Variants in S100A13 observed in about 807,000 individuals in gnomAD.
S100A13 encodes the protein protein S100-A13.
Under a neutral mutation model 8.2 loss-of-function variants are expected in S100A13, and 6 were observed. The observed-to-expected ratio is 0.73, with a 90% CI of 0.40 to 1.44. The LOEUF is 1.44. S100A13 is among the 40% of genes most tolerant of loss of function. The probability of loss-of-function intolerance (pLI) is 0.02; values close to 1 mark genes in which losing one functional copy is unlikely to be tolerated. For synonymous variants in S100A13, 39 were observed against 45.9 expected, an observed-to-expected ratio of 0.85 and a Z score of 0.61; for missense variants, 114 against 113.6, an observed-to-expected ratio of 1.00 and a Z score of -0.02.
At position 153,626,479 on chromosome 1, in the gene S100A13, CCT is replaced by C. The variant is rs765895178; in HGVS notation, c.-9_-8del. 2.0e-5 allele frequency: 32 copies of C among 1,613,834 alleles called. No homozygotes were observed. The highest frequency in any genetic ancestry group is 2.5e-5 in the Non-Finnish European group (30 of 1,179,896). Reference sequence around the variant, plus strand: ...TCAGTGGTTCTGCTGCCATTAGGACCCTGAGGCCAAAGCTGATGTCCTCAAGG... The same window carrying C: ...TCAGTGGTTCTGCTGCCATTAGGACCGAGGCCAAAGCTGATGTCCTCAAGG... On this transcript the variant is annotated 5_prime_UTR_variant, in exon 2 of 3. Coordinates refer to ENST00000476133, the MANE Select transcript of S100A13 (RefSeq NM_001024211.2).
chr1:153,629,579 TCTC>T (rs1287997501), upstream of S100A13: 2 of 152,384 alleles, frequency 1.3e-5, no homozygotes, highest in Admixed American at 1.3e-4. Context: ...TCTCCTTTCT[TCTC>T]CTACTCTCTC....
intron 1 of S100A13, chr1:153,627,206 C>T (rs1667709765): frequency 6.6e-6 from 1 of 152,406 alleles, no homozygotes; most frequent in Non-Finnish European, 1.5e-5. Context: ...GCTCCTGTCT[C>T]CCGGTGACAA....
At chr1:153,631,970 C>A, upstream of S100A13, 1 of 1,080,416 alleles carries the variant, frequency 9.3e-7, no homozygotes, top group South Asian at 1.6e-5. Context: ...CCCACCCCCA[C>A]CAAGGGCGCA....
chr1:153,626,527 G>A lies in S100A13; in HGVS notation c.-55C>T, dbSNP rs979571911. ...CAAGGGGCTAGCTGACCTTTGTCAG[G>A]GCTGACCTGTGGAAGAGAGAAGGAG... On this transcript the variant is annotated 5_prime_UTR_variant, in exon 2 of 3. Coordinates refer to ENST00000476133, the MANE Select transcript of S100A13 (RefSeq NM_001024211.2). The A allele has an allele frequency of 2.5e-6, 4 of 1,582,634 alleles. No homozygotes were observed. The Admixed American group carries it at 6.8e-5, about 27-fold the overall frequency.
upstream of S100A13, among the ~76,000 whole-genome samples, chr1:153,633,586 C>T (rs1368057795): frequency 6.6e-6 from 1 of 152,126 alleles, no homozygotes; most frequent in African/African-American, 2.4e-5. Flanking sequence ...GAGGAATTTG[C>T]TCCTAATACT....
Position 153,625,163 on chromosome 1 carries a change from G to A in S100A13, c.153+1157C>T, listed in dbSNP as rs116911501. 5.4e-3 allele frequency among the ~76,000 whole-genome samples: 821 copies of A among 152,268 alleles called. 25 individuals are homozygous for A. The highest frequency in any genetic ancestry group is 0.044 in the Admixed American group (680 of 15,292). On this transcript the variant is annotated intron_variant, in intron 2 of 2. Coordinates refer to ENST00000476133, the MANE Select transcript of S100A13 (RefSeq NM_001024211.2). The stretch of plus-strand genomic sequence containing the variant: ...TGGGGCAGGAGGATTGCCTGAGCCC[G>A]GAAGGTCAAGGATGCAATGAGCTGT...
chr1:153,624,563 A>C (rs932521331), intron 2 of S100A13, among the ~76,000 whole-genome samples: 2 of 151,618 alleles, frequency 1.3e-5, no homozygotes, highest in African/African-American at 2.4e-5. Context: ...AAAAAAAAAA[A>C]CCACAATCAC....
At chr1:153,625,640 G>A (rs77515073) in intron 2 of S100A13, among the ~76,000 whole-genome samples, 2,517 of 152,322 alleles carry the variant, frequency 0.017, 32 homozygotes, top group Non-Finnish European at 0.027. Flanking sequence ...GAGGAATGCG[G>A]ACTGTGTTTT....
upstream of S100A13, chr1:153,628,663 G>C: frequency 8.3e-7 from 1 of 1,198,964 alleles, no homozygotes; most frequent in Non-Finnish European, 1.1e-6. Context: ...GACAGGGTTT[G>C]GAAGGTGGTG....
upstream of S100A13, chr1:153,632,174 G>A: frequency 4.3e-6 from 1 of 230,696 alleles, no homozygotes; most frequent in Non-Finnish European, 8.5e-6. Flanking sequence ...CTTGAGGAAT[G>A]CTCAAGGTCC....
At chr1:153,632,841 A>G (rs74609197), upstream of S100A13, among the ~76,000 whole-genome samples, 1,239 of 152,200 alleles carry the variant, frequency 8.1e-3, 17 homozygotes, top group African/African-American at 0.027. Flanking sequence ...CCTCAAACAT[A>G]TGTACACTGT....
At chr1:153,619,294 T>C (rs9330299) in intron 2 of S100A13, among the ~76,000 whole-genome samples, 92,338 of 152,014 alleles carry the variant, frequency 0.61, 28,716 homozygotes, top group African/African-American at 0.73. Context: ...CCACGATGGC[T>C]GCTTACAAAC....
At chr1:153,621,448 C>T (rs577266100) in intron 2 of S100A13, among the ~76,000 whole-genome samples, 206 of 151,838 alleles carry the variant, frequency 1.4e-3, no homozygotes, top group African/African-American at 4.7e-3. Context: ...TGAGCCACCA[C>T]GCCCGGCCTA....
At chr1:153,630,098 ATGC>A (rs1667919863), upstream of S100A13, 1 of 235,320 alleles carries the variant, frequency 4.2e-6, no homozygotes, top group Non-Finnish European at 8.2e-6. Flanking sequence ...GAGCTTGGCT[ATGC>A]TAGACAGGCA....
At chr1:153,628,806 C>T, upstream of S100A13, 1 of 392,264 alleles carries the variant, frequency 2.5e-6, no homozygotes, top group Non-Finnish European at 4.6e-6. Context: ...CCTGCCAAGG[C>T]CCCCTCTGTC....
At position 153,618,874 on chromosome 1, in the gene S100A13, C is replaced by A. The variant is rs765256047; in HGVS notation, c.*21G>T. Reference sequence around the variant, plus strand: ...GCCCTGATCAGCTCTGCCCTGCCCACCCCATCTCAGCCAGGCGGCTTTACT... The same window carrying A: ...GCCCTGATCAGCTCTGCCCTGCCCAACCCATCTCAGCCAGGCGGCTTTACT... On this transcript the variant is annotated 3_prime_UTR_variant, in exon 3 of 3. Transcript: ENST00000476133. 9.9e-6 allele frequency: 16 copies of A among 1,613,064 alleles called. No individual in the cohort carries two copies. Among genetic ancestry groups the A allele is most frequent in the Admixed American group, 5.0e-5 (3 of 59,992 alleles).
chr1:153,625,173 G>A (rs992073314), intron 2 of S100A13, among the ~76,000 whole-genome samples: 1 of 152,200 alleles, frequency 6.6e-6, no homozygotes, highest in African/African-American at 2.4e-5. Flanking sequence ...GGAAGGTCAA[G>A]GATGCAATGA....
chr1:153,632,856 T>G (rs186807682), upstream of S100A13, among the ~76,000 whole-genome samples: 1 of 152,296 alleles, frequency 6.6e-6, no homozygotes, highest in Non-Finnish European at 1.5e-5. Flanking sequence ...CACTGTATTG[T>G]GCACATAGTC....
Position 153,626,495 on chromosome 1 carries a change from A to C in S100A13, c.-23T>G. 1 of 1,613,246 alleles carries C rather than the reference A, an allele frequency of 6.2e-7. No homozygotes were observed. The highest frequency in any genetic ancestry group is 8.5e-7 in the Non-Finnish European group (1 of 1,179,290). ...CATTAGGACCCTGAGGCCAAAGCTG[A>C]TGTCCTCAAGGGGCTAGCTGACCTT... On this transcript the variant is annotated 5_prime_UTR_variant, in exon 2 of 3. Coordinates refer to ENST00000476133, the MANE Select transcript of S100A13 (RefSeq NM_001024211.2).
Sources: allele counts gnomAD v4.1 joint callset (sites outside exome capture counted in the v4.1 genomes callset), GRCh38; gene constraint gnomAD v4.1.1; transcripts MANE v1.5; gene names NCBI Gene and HGNC (gene_info 2026-07-23, HGNC 2026-07-21).